Variants in COL11A1 observed in about 807,000 individuals in gnomAD.
COL11A1 encodes collagen type XI alpha 1 chain.
COL11A1 carries 74 observed loss-of-function variants against 265.2 expected under a neutral mutation model. That is an observed-to-expected ratio of 0.28 (90% CI 0.23 to 0.34). The LOEUF (loss-of-function observed/expected upper bound fraction) is 0.34, where lower values mean the gene tolerates loss of function less well. COL11A1 is among the 10% of genes least tolerant of loss of function. The probability of loss-of-function intolerance (pLI) is 1.00; values close to 1 mark genes in which losing one functional copy is unlikely to be tolerated. For synonymous variants in COL11A1, 816 were observed against 727.6 expected, an observed-to-expected ratio of 1.12 and a Z score of -1.96; for missense variants, 2,165 against 2,263.6, an observed-to-expected ratio of 0.96 and a Z score of 0.88.
intron 1 of COL11A1, among the ~76,000 whole-genome samples, chr1:103,098,610 A>G (rs1438476735): frequency 6.6e-6 from 1 of 151,816 alleles, no homozygotes; most frequent in African/African-American, 2.4e-5. Context: ...ATTTTCCTCT[A>G]GATATGGTGA....
chr1:102,970,518 A>G (rs1156912401), intron 36 of COL11A1, among the ~76,000 whole-genome samples: 1 of 152,154 alleles, frequency 6.6e-6, no homozygotes. Context: ...AATATATTTC[A>G]TTTGCATCAA....
chr1:103,096,089 T>C (rs1426453489), intron 1 of COL11A1, among the ~76,000 whole-genome samples: 1 of 147,674 alleles, frequency 6.8e-6, no homozygotes, highest in Non-Finnish European at 1.5e-5. Context: ...TTGAATCAAC[T>C]TTTTTTTTTA....
At chr1:102,907,119 A>T (rs1407375824) in intron 54 of COL11A1, among the ~76,000 whole-genome samples, 1 of 152,106 alleles carries the variant, frequency 6.6e-6, no homozygotes, top group Admixed American at 6.5e-5. Context: ...TTTTTCTATT[A>T]TATGAAAATG....
intron 30 of COL11A1, among the ~76,000 whole-genome samples, chr1:102,987,383 T>A (rs902942992): frequency 1.3e-4 from 19 of 151,552 alleles, no homozygotes; most frequent in Non-Finnish European, 1.6e-4. Flanking sequence ...TTTTTTTTTT[T>A]AAATTTAACT....
chr1:102,889,662 A>G lies in COL11A1; in HGVS notation c.4357-100T>C. On this transcript the variant is annotated intron_variant, in intron 58 of 66. Coordinates refer to ENST00000370096, the MANE Select transcript of COL11A1 (RefSeq NM_001854.4). ...CACATTAAATTTCTAAAGCATAAAA[A>G]TGAACAATGCTGATAAAACAACATT... 3.5e-6 allele frequency: 3 copies of G among 852,566 alleles called. No homozygotes were observed. In the South Asian group the frequency reaches 4.3e-5, roughly 12 times the overall value. 52.8% of individuals were successfully genotyped at this position (852,566 alleles called of 1,614,324 possible).
rs67074206 is a variant in COL11A1 at position 103,088,347 on chromosome 1, G to GTT, written c.107-5377_107-5376dup. 1.8e-3 allele frequency among the ~76,000 whole-genome samples: 274 copies of GTT among 151,384 alleles called. 1 individual carries two copies. Among genetic ancestry groups the GTT allele is most frequent in the Middle Eastern group, 3.4e-3 (1 of 292 alleles). ...ATAACAAAAATATTTACTTCAAAGA[G>GTT]TTTTTTTTTGTCAGAACTAAATTGG... is the stretch of plus-strand genomic sequence containing the variant. On this transcript the variant is annotated intron_variant, in intron 1 of 66. Transcript: ENST00000370096.
Position 103,074,602 on chromosome 1 carries a change from T to C in COL11A1, c.651+16A>G, listed in dbSNP as rs116303092. 4,295 of 1,612,216 alleles carry C rather than the reference T, an allele frequency of 2.7e-3. 93 individuals are homozygous for C. In the African/African-American group the frequency reaches 0.051, roughly 19 times the overall value. Reference sequence around the variant, plus strand: ...TGATTTGTCAATATTCAGCTTAGAGTTGGATTTATTTTTACCTCAAAAACT... The same window carrying C: ...TGATTTGTCAATATTCAGCTTAGAGCTGGATTTATTTTTACCTCAAAAACT... On this transcript the variant is annotated intron_variant, in intron 4 of 66. Transcript: ENST00000370096.
chr1:102,912,203 C>T lies in COL11A1; in HGVS notation c.4042G>A (p.Gly1348Ser), dbSNP rs1654769180. 1 of 1,609,844 alleles carries T rather than the reference C, an allele frequency of 6.2e-7. No homozygotes were observed. The highest frequency in any genetic ancestry group is 8.5e-7 in the Non-Finnish European group (1 of 1,178,416). Reference sequence around the variant, plus strand: ...GGTGGGCCAGCCTCACCAGATGGGCCAGGAGGACCCTATAAAATGTGAAAA... The same window carrying T: ...GGTGGGCCAGCCTCACCAGATGGGCTAGGAGGACCCTATAAAATGTGAAAA... The part of the protein sequence containing the change: ...DGDPGQPGPP[G>S]PSGEAGPPGP... The change falls in exon 54 of 67, where the codon GGC becomes AGC. Residue 1348 changes from glycine to serine, a missense_variant. Physicochemically the swap from Gly to Ser is moderately conservative, Grantham distance 56. Transcript: ENST00000370096.
At chr1:103,005,724 T>C (rs1269942346) in intron 18 of COL11A1, 114 bp downstream of exon 18, 8 of 1,199,422 alleles carry the variant, frequency 6.7e-6, no homozygotes, top group Non-Finnish European at 9.8e-6. Context: ...GATTATTAAG[T>C]GGATTCACAA....
intron 48 of COL11A1, among the ~76,000 whole-genome samples, chr1:102,921,273 G>C (rs1430565291): frequency 6.6e-6 from 1 of 152,072 alleles, no homozygotes; most frequent in East Asian, 1.9e-4. Flanking sequence ...ACATTTCTCA[G>C]TCACCAGTAA....
rs1413270036 is a variant in COL11A1 at position 103,006,107 on chromosome 1, T to C, written c.1752A>G (p.Ala584=). 1.2e-6 allele frequency: 2 copies of C among 1,613,980 alleles called. No homozygotes were observed. Among genetic ancestry groups the C allele is most frequent in the Non-Finnish European group, 1.7e-6 (2 of 1,179,948 alleles). The change falls in exon 17 of 67, where the codon GCA becomes GCG. Residue 584 remains alanine, a synonymous_variant. Coordinates refer to ENST00000370096, the MANE Select transcript of COL11A1 (RefSeq NM_001854.4). ...GKPGKRGRPG[A]DGGRGMPGEP... ...CTCCTGGCATTCCTCTTCCTCCATC[T>C]GCACCTGGACGACCCTAATAATGCC...
At chr1:102,893,155 T>C (rs1459476042) in intron 57 of COL11A1, among the ~76,000 whole-genome samples, 1 of 152,162 alleles carries the variant, frequency 6.6e-6, no homozygotes, top group African/African-American at 2.4e-5. Flanking sequence ...GATAAATACC[T>C]GTCAACTTTC....
At chr1:103,030,397 A>G (rs1667883803) in intron 5 of COL11A1, among the ~76,000 whole-genome samples, 1 of 152,082 alleles carries the variant, frequency 6.6e-6, no homozygotes, top group Non-Finnish European at 1.5e-5. Context: ...TTAAGATAAA[A>G]GATTTTGACC....
At chr1:102,982,364 A>G (rs1174531065) in intron 31 of COL11A1, among the ~76,000 whole-genome samples, 1 of 152,058 alleles carries the variant, frequency 6.6e-6, no homozygotes, top group Non-Finnish European at 1.5e-5. Flanking sequence ...ACAGATTCCT[A>G]TATTTTTAAA....
intron 3 of COL11A1, among the ~76,000 whole-genome samples, chr1:103,077,776 C>T (rs534679583): frequency 3.3e-5 from 5 of 152,074 alleles, no homozygotes; most frequent in African/African-American, 1.2e-4. Flanking sequence ...ATTCAGAATT[C>T]GACATGATTT....
intron 11 of COL11A1, among the ~76,000 whole-genome samples, chr1:103,016,618 C>G (rs759807780): frequency 6.6e-6 from 1 of 151,656 alleles, no homozygotes; most frequent in Non-Finnish European, 1.5e-5. Context: ...TAACTCAAAG[C>G]GCCCAACCAA....
At chr1:102,977,645 A>G (rs1238041847) in intron 35 of COL11A1, among the ~76,000 whole-genome samples, 1 of 152,156 alleles carries the variant, frequency 6.6e-6, no homozygotes. Flanking sequence ...TTAATTATTT[A>G]GCCTTTTTAA....
At chr1:103,079,185 A>G (rs908756591) in intron 2 of COL11A1, among the ~76,000 whole-genome samples, 2 of 152,100 alleles carry the variant, frequency 1.3e-5, no homozygotes, top group Non-Finnish European at 2.9e-5. Flanking sequence ...CTCTTAAAAC[A>G]TTTATTTAAG....
chr1:102,940,481 A>G (rs752250706), intron 42 of COL11A1, 47 bp from the exon 43 acceptor site: 10 of 1,327,996 alleles, frequency 7.5e-6, no homozygotes, highest in Non-Finnish European at 1.1e-5. Context: ...TTTGAAGTGC[A>G]GCTACAAGAG....
Sources: gnomAD v4.1 joint callset for allele counts (sites outside exome capture counted in the v4.1 genomes callset) on GRCh38, gnomAD v4.1.1 for gene constraint, MANE v1.5 for transcripts, NCBI Gene and HGNC (gene_info 2026-07-23, HGNC 2026-07-21) for gene names.